Variants in GOLT1B observed in about 807,000 individuals in gnomAD.
The protein encoded by GOLT1B is golgi transport 1B, also known as vesicle transport protein GOT1B.
Under a neutral mutation model 15.4 loss-of-function variants are expected in GOLT1B, and 3 were observed. The ratio of observed to expected loss-of-function variants is 0.19; its 90% CI spans 0.09 to 0.50. The LOEUF (loss-of-function observed/expected upper bound fraction) is 0.50, where lower values mean the gene tolerates loss of function less well. Ranked by LOEUF, GOLT1B falls within the 20% of genes least tolerant of loss-of-function variation. GOLT1B has a pLI of 0.97. For synonymous variants in GOLT1B, 65 were observed against 56.2 expected, an observed-to-expected ratio of 1.16 and a Z score of -0.70; for missense variants, 145 against 160.4, an observed-to-expected ratio of 0.90 and a Z score of 0.52.
intron 1 of GOLT1B, among the ~76,000 whole-genome samples, chr12:21,504,929 A>C (rs1419143608): frequency 2.0e-5 from 3 of 152,148 alleles, no homozygotes; most frequent in African/African-American, 7.2e-5. Context: ...ATGTAACCAA[A>C]CACCTTTAAC....
chr12:21,511,819 A>C (rs975012917), intron 3 of GOLT1B, among the ~76,000 whole-genome samples: 2 of 152,228 alleles, frequency 1.3e-5, no homozygotes, highest in African/African-American at 4.8e-5. Context: ...ATCTACTGTC[A>C]ATTTTAAACT....
intron 4 of GOLT1B, 145 bp from the exon 5 acceptor site, chr12:21,515,524 T>C: frequency 1.6e-6 from 1 of 640,352 alleles, no homozygotes; most frequent in East Asian, 2.8e-5. Context: ...TGAGTAGTAC[T>C]GGATTAGTCA....
Position 21,515,770 on chromosome 12 carries a change from A to G in GOLT1B, c.*63A>G, listed in dbSNP as rs937309782. 6.4e-6 allele frequency: 5 copies of G among 776,146 alleles called. No homozygotes were observed. The highest frequency in any genetic ancestry group is 1.1e-5 in the Non-Finnish European group (5 of 453,656). 48.1% of individuals were successfully genotyped at this position (776,146 alleles called of 1,614,324 possible). The stretch of plus-strand genomic sequence containing the variant: ...TTATTTATAAAGTCATTTGAAGAAT[A>G]TTCAGCACAAAATTAAATTACATGA... On this transcript the variant is annotated 3_prime_UTR_variant, in exon 5 of 5. Coordinates refer to ENST00000229314, the MANE Select transcript of GOLT1B (RefSeq NM_016072.5).
rs1943752210 is a variant in GOLT1B, at chr12:21,515,867, G to A, written c.*160G>A. 1 of 490,450 alleles carries A rather than the reference G, an allele frequency of 2.0e-6. No homozygotes were observed. The highest frequency in any genetic ancestry group is 2.0e-5 in the African/African-American group (1 of 49,288). 30.4% of individuals were successfully genotyped at this position (490,450 alleles called of 1,614,324 possible). ...AAAGTACCAGCAGCAAATTAGCAAA[G>A]AAGCAGTGAAAACAGGCTTCTACTC... On this transcript the variant is annotated 3_prime_UTR_variant, in exon 5 of 5. Coordinates refer to ENST00000229314, the MANE Select transcript of GOLT1B (RefSeq NM_016072.5).
Position 21,515,896 on chromosome 12 carries a change from T to C in GOLT1B, c.*189T>C. The stretch of plus-strand genomic sequence containing the variant: ...CAGTGAAAACAGGCTTCTACTCAAG[T>C]GAACTAAGAAGAAGTCAGCAAGCAA... On this transcript the variant is annotated 3_prime_UTR_variant, in exon 5 of 5. Transcript: ENST00000229314. The C allele has an allele frequency of 1.3e-5, 6 of 466,070 alleles. No individual in the cohort carries two copies. In the South Asian group the frequency reaches 2.5e-4, roughly 19 times the overall value. 28.9% of individuals were successfully genotyped at this position (466,070 alleles called of 1,614,324 possible).
At chr12:21,510,862 G>A (rs948885578) in intron 3 of GOLT1B, among the ~76,000 whole-genome samples, 3 of 152,118 alleles carry the variant, frequency 2.0e-5, no homozygotes, top group South Asian at 2.1e-4. Context: ...ATTCATTGTA[G>A]TATTTTCATC....
At chr12:21,505,889 T>C (rs7299256) in intron 1 of GOLT1B, among the ~76,000 whole-genome samples, 48,917 of 151,958 alleles carry the variant, frequency 0.32, 9,760 homozygotes, top group African/African-American at 0.54. Flanking sequence ...GGAGGTAACT[T>C]AGTGAATTGT....
At chr12:21,508,325 A>T in intron 2 of GOLT1B, 58 bp from the exon 3 acceptor site, 1 of 1,038,826 alleles carries the variant, frequency 9.6e-7, no homozygotes, top group Non-Finnish European at 1.4e-6. Flanking sequence ...CTTTACGTTT[A>T]AAATTTATGC....
chr12:21,513,409 A>G (rs1441570862), intron 4 of GOLT1B, among the ~76,000 whole-genome samples: 1 of 152,166 alleles, frequency 6.6e-6, no homozygotes, highest in Non-Finnish European at 1.5e-5. Flanking sequence ...CACCTTGGGA[A>G]AAGCTTTCCT....
chr12:21,505,434 A>C (rs1208991779), intron 1 of GOLT1B, among the ~76,000 whole-genome samples: 1 of 152,180 alleles, frequency 6.6e-6, no homozygotes, highest in African/African-American at 2.4e-5. Context: ...AAATTCTCTT[A>C]AGGCCTTTGA....
intron 3 of GOLT1B, 142 bp from the exon 4 acceptor site, chr12:21,512,149 TTTAA>T: frequency 1.7e-6 from 1 of 581,314 alleles, no homozygotes; most frequent in Non-Finnish European, 3.1e-6. Context: ...TCACAAAATT[TTTAA>T]TTAAGTTTGT....
In GOLT1B at chr12:21,501,945, C is replaced by G; in HGVS notation, c.22C>G (p.Gln8Glu). 6.2e-7 allele frequency: 1 copy of G among 1,608,314 alleles called. No individual in the cohort carries two copies. Among genetic ancestry groups the G allele is most frequent in the South Asian group, 1.1e-5 (1 of 90,896 alleles). ...AGCCATGATCTCCTTAACGGACACGCAGAGTAAGCACCTGCTCCGGGGCCC... is the reference window on the plus strand; with the variant it reads ...AGCCATGATCTCCTTAACGGACACGGAGAGTAAGCACCTGCTCCGGGGCCC... The part of the protein sequence containing the change: MISLTDT[Q>E]KIGMGLTGFG... Residue 8 changes from glutamine (Q) to glutamate (E), a missense_variant, in exon 1 of 5, where the codon CAG becomes GAG. Coordinates refer to ENST00000229314, the MANE Select transcript of GOLT1B (RefSeq NM_016072.5).
chr12:21,510,989 G>C (rs1027464140), intron 3 of GOLT1B, among the ~76,000 whole-genome samples: 1 of 152,154 alleles, frequency 6.6e-6, no homozygotes, highest in Non-Finnish European at 1.5e-5. Context: ...CAATCAGTTA[G>C]TTGTCTGCAA....
chr12:21,501,896 T>TTTC lies in GOLT1B; in HGVS notation c.-28_-27insTTC. 1 of 1,574,016 alleles carries TTTC rather than the reference T, an allele frequency of 6.4e-7. No individual in the cohort carries two copies. Among genetic ancestry groups the TTTC allele is most frequent in the Non-Finnish European group, 8.7e-7 (1 of 1,143,734 alleles). On this transcript the variant is annotated 5_prime_UTR_variant, in exon 1 of 5. Transcript: ENST00000229314. ...TCCCACCCTGGGCTTTCCGAGGTGCTGTCGCCGCTGTCCCCACCACTGCAG... is the reference window on the plus strand; with the variant it reads ...TCCCACCCTGGGCTTTCCGAGGTGCTTTCGTCGCCGCTGTCCCCACCACTGCAG...
At chr12:21,514,179 G>A (rs1354301227) in intron 4 of GOLT1B, among the ~76,000 whole-genome samples, 2 of 152,136 alleles carry the variant, frequency 1.3e-5, no homozygotes, top group Non-Finnish European at 2.9e-5. Context: ...TCCTTCTTTG[G>A]ATTGGTTTCA....
chr12:21,509,327 A>T (rs955457262), intron 3 of GOLT1B, among the ~76,000 whole-genome samples: 1 of 123,466 alleles, frequency 8.1e-6, no homozygotes, highest in East Asian at 2.9e-4. Flanking sequence ...TGAACCTGGG[A>T]GGCGGAAGTT....
chr12:21,506,683 C>A (rs2417991), intron 1 of GOLT1B, among the ~76,000 whole-genome samples: 67,969 of 151,774 alleles, frequency 0.45, 15,841 homozygotes, highest in East Asian at 0.67. Flanking sequence ...AATTTTCATT[C>A]ATGTTTTAAA....
chr12:21,507,233 G>A (rs1943684972), intron 2 of GOLT1B: 1 of 392,248 alleles, frequency 2.5e-6, no homozygotes, highest in African/African-American at 2.1e-5. Flanking sequence ...TTAAATGAAG[G>A]CTGCCTCTAA....
intron 3 of GOLT1B, among the ~76,000 whole-genome samples, chr12:21,510,981 A>G (rs973512431): frequency 6.6e-6 from 1 of 152,192 alleles, no homozygotes; most frequent in African/African-American, 2.4e-5. Flanking sequence ...CGATATCGCA[A>G]TCAGTTAGTT....
Sources: gnomAD v4.1 joint callset for allele counts (sites outside exome capture counted in the v4.1 genomes callset) on GRCh38, gnomAD v4.1.1 for gene constraint, MANE v1.5 for transcripts, NCBI Gene and HGNC (gene_info 2026-07-23, HGNC 2026-07-21) for gene names.